Variants in EXD3 observed in about 807,000 individuals in gnomAD.
The protein encoded by EXD3 is exonuclease 3'-5' domain containing 3.
Under a neutral mutation model 98.0 loss-of-function variants are expected in EXD3, and 92 were observed. That is an observed-to-expected ratio of 0.94 (90% CI 0.79 to 1.12). EXD3 has a LOEUF of 1.12. Among genes scored for constraint, EXD3 ranks in the 50% most tolerant of loss-of-function variants. The pLI, the probability that EXD3 is intolerant of heterozygous loss-of-function variation, is 0.00. For missense variants in EXD3, 1,222 were observed against 1,191.6 expected (o/e 1.03, Z -0.38); for synonymous variants, 569 against 526.0 (o/e 1.08, Z -1.12).
At chr9:137,411,519 GC>G in intron 1 of EXD3, among the ~76,000 whole-genome samples, 1 of 151,932 alleles carries the variant, frequency 6.6e-6, no homozygotes, top group South Asian at 2.1e-4. Flanking sequence ...AGGACCCAAA[GC>G]TCCCTCAAAC....
At chr9:137,379,562 C>T (rs1165681319) in intron 3 of EXD3, among the ~76,000 whole-genome samples, 4 of 151,328 alleles carry the variant, frequency 2.6e-5, no homozygotes, top group Non-Finnish European at 4.4e-5. Flanking sequence ...GCTTCTGAAG[C>T]GATGAACCAT....
intron 8 of EXD3, among the ~76,000 whole-genome samples, 193 bp downstream of exon 8, chr9:137,356,075 C>T (rs948225396): frequency 2.0e-5 from 3 of 152,194 alleles, no homozygotes; most frequent in East Asian, 1.9e-4. Context: ...GCTGCTCAGT[C>T]GCAGGGCCCA....
chr9:137,355,626 G>GAAGGAGGAAGGAGGAAGGAGGA (rs1564508910), intron 8 of EXD3, among the ~76,000 whole-genome samples: 1 of 14,050 alleles, frequency 7.1e-5, no homozygotes, highest in Admixed American at 6.9e-4. Flanking sequence ...AGGAAGGGAG[G>GAAGGAGGAAGGAGGAAGGAGGA]ATGGAGGAAG....
intron 17 of EXD3, among the ~76,000 whole-genome samples, chr9:137,331,607 C>G (rs1833066040): frequency 1.3e-5 from 2 of 152,164 alleles, no homozygotes; most frequent in Admixed American, 1.3e-4. Context: ...GCACAACGAC[C>G]AAGCTGAGAA....
chr9:137,319,701 C>A (rs1418935392), intron 19 of EXD3, among the ~76,000 whole-genome samples: 2 of 152,202 alleles, frequency 1.3e-5, no homozygotes, highest in Non-Finnish European at 2.9e-5. Flanking sequence ...TGGGCCACCA[C>A]CCGGCTGAGG....
In EXD3 at chr9:137,385,365, C is replaced by T. The variant is rs994698626; in HGVS notation, c.56-1988G>A. Among the ~76,000 whole-genome samples, 8 of 143,912 alleles carry T rather than the reference C, an allele frequency of 5.6e-5. No homozygotes were observed. Among genetic ancestry groups the T allele is most frequent in the Non-Finnish European group, 1.2e-4 (8 of 65,468 alleles). The allele number at this position is 143,912 out of a possible 152,430, so 94.4% of individuals were successfully genotyped here. The stretch of plus-strand genomic sequence containing the variant: ...ATGGCAGGCAGTGTGACTGGCCCCG[C>T]ATTCTGGGTGCTGCATGCTGGGCAT... On this transcript the variant is annotated intron_variant, in intron 2 of 21. Transcript: ENST00000340951. The surrounding 1 kb of genome is among the most constrained non-coding windows in gnomAD (Gnocchi z 4.4).
At chr9:137,380,960 G>A (rs750170300) in intron 3 of EXD3, among the ~76,000 whole-genome samples, 9 of 148,618 alleles carry the variant, frequency 6.1e-5, no homozygotes, top group South Asian at 2.2e-4. Flanking sequence ...ATAGCCAGGC[G>A]TGGTGTTGCA....
chr9:137,381,436 A>C (rs1321700206), intron 3 of EXD3, among the ~76,000 whole-genome samples: 3 of 149,738 alleles, frequency 2.0e-5, no homozygotes, highest in Non-Finnish European at 4.5e-5. Context: ...AAAAAAAAAA[A>C]AAAGACAGGA....
chr9:137,323,671 C>T (rs968413383), intron 19 of EXD3, 54 bp downstream of exon 19: 83 of 1,591,252 alleles, frequency 5.2e-5, no homozygotes, highest in Non-Finnish European at 6.7e-5. Flanking sequence ...TGGACACCCC[C>T]GTAGCTCCAG....
chr9:137,312,876 G>T (rs1831441152), intron 19 of EXD3, among the ~76,000 whole-genome samples: 1 of 152,164 alleles, frequency 6.6e-6, no homozygotes, highest in South Asian at 2.1e-4. Flanking sequence ...GCCTCCAGCA[G>T]TGTCTGTGTG....
chr9:137,325,723 G>A (rs951966237), intron 17 of EXD3, among the ~76,000 whole-genome samples: 4 of 152,116 alleles, frequency 2.6e-5, no homozygotes, highest in Admixed American at 6.5e-5. Context: ...GTGAGCCACC[G>A]CACCCGGCCA....
intron 10 of EXD3, chr9:137,353,047 C>T (rs1247909327): frequency 7.7e-7 from 1 of 1,305,644 alleles, no homozygotes; most frequent in Non-Finnish European, 9.7e-7. Flanking sequence ...GGTCTCCAAG[C>T]CTGAGGTGAA....
At chr9:137,330,305 C>G (rs1832964917) in intron 17 of EXD3, among the ~76,000 whole-genome samples, 1 of 128,458 alleles carries the variant, frequency 7.8e-6, no homozygotes, top group African/African-American at 3.2e-5. Flanking sequence ...AGGAGCTACA[C>G]AGGAACTACA....
intron 1 of EXD3, among the ~76,000 whole-genome samples, chr9:137,413,939 C>T (rs796198161): frequency 8.6e-5 from 12 of 139,316 alleles, no homozygotes; most frequent in African/African-American, 2.4e-4. Flanking sequence ...TTTTTTGAGA[C>T]GGAGTCTCAC....
At chr9:137,414,905 T>G (rs1465823687) in intron 1 of EXD3, among the ~76,000 whole-genome samples, 1 of 152,210 alleles carries the variant, frequency 6.6e-6, no homozygotes, top group Non-Finnish European at 1.5e-5. Flanking sequence ...TTGTCCAGGC[T>G]GAGACGGAAT....
chr9:137,409,713 G>A (rs1033223056), intron 1 of EXD3, among the ~76,000 whole-genome samples: 1 of 152,188 alleles, frequency 6.6e-6, no homozygotes, highest in Non-Finnish European at 1.5e-5. Context: ...TTCCCTCGCT[G>A]CACACTCTCT....
intron 17 of EXD3, 55 bp downstream of exon 17, chr9:137,348,016 G>T: frequency 6.4e-7 from 1 of 1,556,322 alleles, no homozygotes; most frequent in Non-Finnish European, 8.7e-7. Context: ...GGGCACACCT[G>T]TGCTAGGGGC....
chr9:137,381,120 A>ACG (rs1836240075), intron 3 of EXD3: 1 of 147,026 alleles, frequency 6.8e-6, no homozygotes, highest in Admixed American at 6.8e-5. Context: ...ACACACACAC[A>ACG]CACGAAAAGC....
At chr9:137,320,694 C>A (rs1170574911) in intron 19 of EXD3, among the ~76,000 whole-genome samples, 1 of 152,206 alleles carries the variant, frequency 6.6e-6, no homozygotes, top group Non-Finnish European at 1.5e-5. Context: ...ACCCTGGACA[C>A]CCTTCTCCAT....
Sources: gnomAD v4.1 joint callset for allele counts (sites outside exome capture counted in the v4.1 genomes callset) on GRCh38, gnomAD v4.1.1 for gene constraint, Gnocchi (gnomAD v3.1) non-coding constraint, MANE v1.5 for transcripts, NCBI Gene and HGNC (gene_info 2026-07-23, HGNC 2026-07-21) for gene names.